The following CFAP54 variants were observed in gnomAD, a reference collection of about 807,000 sequenced individuals.
CFAP54 encodes the protein cilia and flagella associated protein 54, also known as cilia- and flagella-associated protein 54.
In CFAP54, 290 loss-of-function variants were observed where a neutral mutation model predicts 370.4. The observed-to-expected ratio is 0.78, with a 90% CI of 0.71 to 0.86. The LOEUF is 0.86. Ranked by LOEUF, CFAP54 falls within the 40% of genes least tolerant of loss-of-function variation. The probability of loss-of-function intolerance (pLI) is 0.00; values close to 1 mark genes in which losing one functional copy is unlikely to be tolerated. For synonymous variants in CFAP54, 1,206 were observed against 1,236.5 expected, an observed-to-expected ratio of 0.98 and a Z score of 0.52; for missense variants, 3,399 against 3,528.7, an observed-to-expected ratio of 0.96 and a Z score of 0.93.
At chr12:96,546,567 G>A (rs1284266710) in intron 14 of CFAP54, among the ~76,000 whole-genome samples, 9 of 152,082 alleles carry the variant, frequency 5.9e-5, no homozygotes, top group Non-Finnish European at 1.5e-5. Context: ...AGTGGCTCAT[G>A]CCTGTAATCC....
rs183096268 is a variant in CFAP54, at chr12:96,681,845, C to T, written c.5716+2093C>T. Among the ~76,000 whole-genome samples, 619 of 152,084 alleles carry T rather than the reference C, an allele frequency of 4.1e-3. 5 individuals are homozygous for T. Among genetic ancestry groups the T allele is most frequent in the Non-Finnish European group, 4.8e-3 (329 of 67,976 alleles). On this transcript the variant is annotated intron_variant, in intron 40 of 67. Coordinates refer to ENST00000524981, the MANE Select transcript of CFAP54 (RefSeq NM_001306084.2). ...AACTCCTGACCTCAGGTGATCCACCCGCCTCTGCCTCCCAAAGTGCTGGGA... is the reference window on the plus strand; with the variant it reads ...AACTCCTGACCTCAGGTGATCCACCTGCCTCTGCCTCCCAAAGTGCTGGGA...
chr12:96,795,953 C>A (rs567861288), intron 63 of CFAP54, among the ~76,000 whole-genome samples: 1 of 152,292 alleles, frequency 6.6e-6, no homozygotes, highest in East Asian at 1.9e-4. Flanking sequence ...ACTGAGAGTG[C>A]CCACAGGGCT....
intron 3 of CFAP54, among the ~76,000 whole-genome samples, chr12:96,504,987 T>TCCTTTCC: frequency 6.9e-6 from 1 of 144,088 alleles, no homozygotes; most frequent in Non-Finnish European, 1.5e-5. Context: ...CTTTCTTTCT[T>TCCTTTCC]CTTTCTTTTT....
chr12:96,785,449 C>G (rs1958619584), intron 61 of CFAP54, among the ~76,000 whole-genome samples: 1 of 152,050 alleles, frequency 6.6e-6, no homozygotes, highest in Non-Finnish European at 1.5e-5. Context: ...TCCAGTGTTG[C>G]CCATCAGTGC....
chr12:96,668,014 A>G (rs533974343), intron 39 of CFAP54, among the ~76,000 whole-genome samples: 1 of 152,268 alleles, frequency 6.6e-6, no homozygotes, highest in South Asian at 2.1e-4. Flanking sequence ...CCAGTTTCCA[A>G]CAAGTTCCTC....
At chr12:96,693,913 G>T in intron 45 of CFAP54, 105 bp downstream of exon 45, 1 of 638,244 alleles carries the variant, frequency 1.6e-6, no homozygotes. Context: ...ATAATAACAT[G>T]GCATTACACT....
At chr12:96,866,424 AC>A (rs1960007439) in intron 67 of CFAP54, among the ~76,000 whole-genome samples, 1 of 152,172 alleles carries the variant, frequency 6.6e-6, no homozygotes, top group South Asian at 2.1e-4. Context: ...ACCATTTTCA[AC>A]TATTCAAAAT....
chr12:96,783,153 G>A (rs1465277923), intron 60 of CFAP54, among the ~76,000 whole-genome samples: 1 of 152,136 alleles, frequency 6.6e-6, no homozygotes, highest in African/African-American at 2.4e-5. Context: ...TACATGTTAT[G>A]TAATATATAT....
At chr12:96,738,250 G>A (rs886912666) in intron 50 of CFAP54, among the ~76,000 whole-genome samples, 2 of 152,156 alleles carry the variant, frequency 1.3e-5, no homozygotes, top group African/African-American at 4.8e-5. Context: ...TGGAGGACAC[G>A]GATGAGGAGT....
chr12:96,779,193 G>A (rs2136687870), intron 60 of CFAP54, among the ~76,000 whole-genome samples: 1 of 151,824 alleles, frequency 6.6e-6, no homozygotes, highest in Middle Eastern at 3.5e-3. Context: ...CCACCACTAG[G>A]TCAAGAAATA....
chr12:96,606,416 T>C (rs1956301459), intron 26 of CFAP54, among the ~76,000 whole-genome samples: 1 of 152,250 alleles, frequency 6.6e-6, no homozygotes, highest in Non-Finnish European at 1.5e-5. Context: ...TAGCATTGTC[T>C]GTAAACAGAA....
chr12:96,608,498 A>T (rs563305437), intron 26 of CFAP54, among the ~76,000 whole-genome samples: 12 of 122,850 alleles, frequency 9.8e-5, no homozygotes, highest in African/African-American at 3.8e-4. Flanking sequence ...GTCTCACTCT[A>T]TCACCCAGGC....
intron 32 of CFAP54, among the ~76,000 whole-genome samples, chr12:96,640,590 A>G (rs1017246999): frequency 6.6e-5 from 10 of 152,308 alleles, no homozygotes; most frequent in South Asian, 2.1e-4. Flanking sequence ...AAGTTCATAT[A>G]GAACCAAAAA....
intron 66 of CFAP54, among the ~76,000 whole-genome samples, chr12:96,847,799 G>A (rs1959401725): frequency 1.3e-5 from 2 of 152,182 alleles, no homozygotes. Flanking sequence ...CTGTGCATGT[G>A]GGATGATGTG....
At chr12:96,616,136 G>T (rs895469864) in intron 26 of CFAP54, among the ~76,000 whole-genome samples, 1 of 152,142 alleles carries the variant, frequency 6.6e-6, no homozygotes, top group African/African-American at 2.4e-5. Flanking sequence ...ATGATAGATT[G>T]GATTAAGAAA....
chr12:96,697,651 A>T (rs908067296), intron 45 of CFAP54, among the ~76,000 whole-genome samples: 1 of 152,166 alleles, frequency 6.6e-6, no homozygotes, highest in Non-Finnish European at 1.5e-5. Flanking sequence ...TGATGGGTGG[A>T]CATGCTGAGG....
In CFAP54 at chr12:96,874,613, TTTTTTTTATTTTTATTTTA is replaced by T. The variant is rs1166358529; in HGVS notation, c.*15-497_*15-479del. Among the ~76,000 whole-genome samples the T allele has an allele frequency of 1.5e-3, 20 of 13,334 alleles. 5 individuals carry two copies. Among genetic ancestry groups the T allele is most frequent in the African/African-American group, 3.6e-3 (5 of 1,382 alleles). 8.7% of individuals were successfully genotyped at this position (13,334 alleles called of 152,430 possible). On this transcript the variant is annotated intron_variant, in intron 67 of 67. Coordinates refer to ENST00000524981, the MANE Select transcript of CFAP54 (RefSeq NM_001306084.2). ...TTCTGTTCTGTTTTGGGATCTCTGC[TTTTTTTTATTTTTATTTTA>T]TTTTTTTTTTTTTTTGAGACGGAGT...
At chr12:96,518,836 G>T in intron 5 of CFAP54, 92 bp from the exon 6 acceptor site, 1 of 1,188,542 alleles carries the variant, frequency 8.4e-7, no homozygotes, top group Non-Finnish European at 1.1e-6. Flanking sequence ...TCAGCAACTT[G>T]TGCTCACAAC....
chr12:96,736,344 C>G (rs1289695143), intron 50 of CFAP54, among the ~76,000 whole-genome samples: 2 of 152,088 alleles, frequency 1.3e-5, no homozygotes, highest in South Asian at 4.1e-4. Context: ...AGAGAGAGAG[C>G]ACAAGACTGT....
Sources: gnomAD v4.1 joint callset for allele counts (sites outside exome capture counted in the v4.1 genomes callset) on GRCh38, gnomAD v4.1.1 for gene constraint, MANE v1.5 for transcripts, NCBI Gene and HGNC (gene_info 2026-07-23, HGNC 2026-07-21) for gene names.